Variants in KCNJ6 observed in about 807,000 individuals in gnomAD.
KCNJ6 encodes the protein G protein-activated inward rectifier potassium channel 2.
KCNJ6 carries 9 observed loss-of-function variants against 34.2 expected under a neutral mutation model. The observed-to-expected ratio is 0.26, with a 90% CI of 0.16 to 0.46. KCNJ6 has a LOEUF of 0.46. Ranked by LOEUF, KCNJ6 falls within the 20% of genes least tolerant of loss-of-function variation. KCNJ6 has a pLI of 1.00. For synonymous variants in KCNJ6, 196 were observed against 207.1 expected (o/e 0.95, Z 0.46); for missense variants, 236 against 531.3 (o/e 0.44, Z 5.46).
chr21:37,886,376 C>A (rs1425951477), intron 1 of KCNJ6, among the ~76,000 whole-genome samples: 1 of 152,118 alleles, frequency 6.6e-6, no homozygotes, highest in East Asian at 1.9e-4. Flanking sequence ...GCACCACCTG[C>A]AGGTCCTTGC....
Position 37,630,134 on chromosome 21 carries a change from C to CTGTGTGTGTGTGTG in KCNJ6, c.947-4664_947-4651dup, listed in dbSNP as rs10527592. Among the ~76,000 whole-genome samples, 341 of 144,248 alleles carry CTGTGTGTGTGTGTG rather than the reference C, an allele frequency of 2.4e-3. 2 individuals carry two copies. Among genetic ancestry groups the CTGTGTGTGTGTGTG allele is most frequent in the African/African-American group, 8.1e-3 (314 of 38,832 alleles). 94.6% of individuals were successfully genotyped at this position (144,248 alleles called of 152,430 possible). ...AGGCAGAACTGCCAAGATGACATCT[C>CTGTGTGTGTGTGTG]TGTGTGTGTGTGTGTGTGTGTGTGG... is the stretch of plus-strand genomic sequence containing the variant. On this transcript the variant is annotated intron_variant, in intron 3 of 3. Transcript: ENST00000609713.
chr21:37,651,568 G>A (rs1287010004), intron 3 of KCNJ6, among the ~76,000 whole-genome samples: 1 of 152,156 alleles, frequency 6.6e-6, no homozygotes, highest in Non-Finnish European at 1.5e-5. Flanking sequence ...AAGGATTCAA[G>A]ACAGAGCGGG....
At position 37,916,355 on chromosome 21, in the gene KCNJ6, A is replaced by G. The variant is rs1275536088; in HGVS notation, c.-499T>C. 2 of 152,142 alleles carry G rather than the reference A, an allele frequency of 1.3e-5. No individual in the cohort carries two copies. The highest frequency in any genetic ancestry group is 2.4e-5 in the African/African-American group (1 of 41,412). The allele number at this position is 152,142 out of a possible 1,614,324, so 9.4% of individuals were successfully genotyped here. ...GAGAAAAGTGGTGGACCACGCAGAG[A>G]GACGTCATGAAATCCGCAGATTCAA... On this transcript the variant is annotated 5_prime_UTR_variant, in exon 1 of 4. Coordinates refer to ENST00000609713, the MANE Select transcript of KCNJ6 (RefSeq NM_002240.5).
chr21:37,843,123 C>T (rs1345507481), intron 1 of KCNJ6, among the ~76,000 whole-genome samples: 1 of 152,166 alleles, frequency 6.6e-6, no homozygotes, highest in Non-Finnish European at 1.5e-5. Context: ...CTAACAAGCC[C>T]TGTTTAGTGT....
At chr21:37,750,815 A>G (rs1219211506) in intron 2 of KCNJ6, among the ~76,000 whole-genome samples, 1 of 152,216 alleles carries the variant, frequency 6.6e-6, no homozygotes, top group Non-Finnish European at 1.5e-5. Context: ...CCACCATGGC[A>G]CATGTATACC....
At chr21:37,815,943 C>T (rs957521088) in intron 2 of KCNJ6, among the ~76,000 whole-genome samples, 2 of 152,196 alleles carry the variant, frequency 1.3e-5, no homozygotes. Flanking sequence ...AGTGCATCTT[C>T]TGAAGCAGAC....
intron 3 of KCNJ6, among the ~76,000 whole-genome samples, chr21:37,637,334 C>T (rs1372293736): frequency 6.6e-6 from 1 of 152,128 alleles, no homozygotes; most frequent in Non-Finnish European, 1.5e-5. Context: ...CTTCTATTAC[C>T]CAAATATTAG....
At chr21:37,712,643 C>T (rs1190808152) in intron 3 of KCNJ6, among the ~76,000 whole-genome samples, 2 of 54,670 alleles carry the variant, frequency 3.7e-5, no homozygotes, top group Admixed American at 2.0e-4. Flanking sequence ...CCCTCCTCCC[C>T]TTCTCCTCCT....
intron 2 of KCNJ6, among the ~76,000 whole-genome samples, chr21:37,729,664 C>T (rs947912093): frequency 2.6e-5 from 4 of 152,190 alleles, no homozygotes; most frequent in African/African-American, 4.8e-5. Context: ...TCAGGACTGT[C>T]TACAGTTAGT....
chr21:37,893,165 T>C (rs914693022), intron 1 of KCNJ6, among the ~76,000 whole-genome samples: 5 of 151,174 alleles, frequency 3.3e-5, no homozygotes, highest in East Asian at 2.0e-4. Flanking sequence ...GTTTCTTTCA[T>C]AGTCTTATGT....
chr21:37,688,243 T>C (rs1052525124), intron 3 of KCNJ6, among the ~76,000 whole-genome samples: 3 of 152,234 alleles, frequency 2.0e-5, no homozygotes, highest in African/African-American at 7.2e-5. Context: ...AAAAGAAGCA[T>C]TACCTGCTAA....
At position 37,780,887 on chromosome 21, in the gene KCNJ6, TA is replaced by T. The variant is rs1392591935; in HGVS notation, c.25+59770del. ...TACCCACAAACATTAAAAATTAAAA[TA>T]AAAATATAAAGTTTATTAATTAGAT... On this transcript the variant is annotated intron_variant, in intron 2 of 3. Coordinates refer to ENST00000609713, the MANE Select transcript of KCNJ6 (RefSeq NM_002240.5). Among the ~76,000 whole-genome samples the T allele has an allele frequency of 2.0e-5, 3 of 151,928 alleles. No individual in the cohort carries two copies. The East Asian group carries it at 5.8e-4, about 29-fold the overall frequency.
intron 3 of KCNJ6, among the ~76,000 whole-genome samples, chr21:37,689,546 A>G (rs2054630400): frequency 6.6e-6 from 1 of 152,084 alleles, no homozygotes; most frequent in African/African-American, 2.4e-5. Flanking sequence ...CTGTCCATCT[A>G]TCTAACCACA....
chr21:37,767,490 T>C (rs1175254223), intron 2 of KCNJ6, among the ~76,000 whole-genome samples: 1 of 152,138 alleles, frequency 6.6e-6, no homozygotes, highest in African/African-American at 2.4e-5. Flanking sequence ...GGGAAGAGGC[T>C]GGGCCACACT....
At chr21:37,720,625 TAGTGACACAGA>T (rs1014951301) in intron 2 of KCNJ6, among the ~76,000 whole-genome samples, 4 of 152,162 alleles carry the variant, frequency 2.6e-5, no homozygotes, top group African/African-American at 9.7e-5. Context: ...GCAGTGCCCT[TAGTGACACAGA>T]AGTGTGGTTT....
intron 3 of KCNJ6, among the ~76,000 whole-genome samples, chr21:37,711,800 C>A (rs576343178): frequency 6.7e-6 from 1 of 148,860 alleles, no homozygotes; most frequent in Non-Finnish European, 1.5e-5. Flanking sequence ...TTCTAGAACC[C>A]CCCCCCCAAG....
At chr21:37,822,919 C>T (rs147959878) in intron 2 of KCNJ6, among the ~76,000 whole-genome samples, 33 of 152,266 alleles carry the variant, frequency 2.2e-4, no homozygotes, top group African/African-American at 6.7e-4. Context: ...TTTCAGTCCT[C>T]ATTCCTTCAT....
At chr21:37,859,587 C>G (rs974714158) in intron 1 of KCNJ6, among the ~76,000 whole-genome samples, 12 of 140,940 alleles carry the variant, frequency 8.5e-5, no homozygotes, top group Non-Finnish European at 1.7e-4. Flanking sequence ...TTGAGCAGCC[C>G]CAGTTTTTCA....
chr21:37,655,661 G>A (rs1423128034), intron 3 of KCNJ6, among the ~76,000 whole-genome samples: 5 of 152,178 alleles, frequency 3.3e-5, no homozygotes, highest in Non-Finnish European at 4.4e-5. Flanking sequence ...TCAGTTGGTA[G>A]TTGGCTTCTT....
Sources: allele counts gnomAD v4.1 joint callset (sites outside exome capture counted in the v4.1 genomes callset), GRCh38; gene constraint gnomAD v4.1.1; transcripts MANE v1.5; gene names NCBI Gene and HGNC (gene_info 2026-07-23, HGNC 2026-07-21).